Variants in CSMD3 observed in about 807,000 individuals in gnomAD.
The protein encoded by CSMD3 is CUB and sushi domain-containing protein 3.
A neutral mutation model predicts 435.2 loss-of-function variants in CSMD3; 177 were observed. The observed-to-expected ratio is 0.41, with a 90% confidence interval of 0.36 to 0.46. The LOEUF is 0.46. Among genes scored for constraint, CSMD3 ranks in the 20% least tolerant of loss-of-function variants. The pLI, the probability that CSMD3 is intolerant of heterozygous loss-of-function variation, is 0.34. For synonymous variants in CSMD3, 1,656 were observed against 1,520.5 expected, an observed-to-expected ratio of 1.09 and a Z score of -2.07; for missense variants, 4,265 against 4,504.6, an observed-to-expected ratio of 0.95 and a Z score of 1.52.
intron 13 of CSMD3, among the ~76,000 whole-genome samples, chr8:112,792,193 C>T (rs1563965186): frequency 6.6e-6 from 1 of 152,020 alleles, no homozygotes. Flanking sequence ...TGATGAAGTC[C>T]AATTTATCAA....
At chr8:112,323,500 A>G (rs549615439) in intron 45 of CSMD3, among the ~76,000 whole-genome samples, 3 of 152,036 alleles carry the variant, frequency 2.0e-5, no homozygotes, top group Non-Finnish European at 4.4e-5. Flanking sequence ...TTATGGGGGT[A>G]CCCTTAATTC....
chr8:113,353,625 T>G (rs905985882), intron 1 of CSMD3, among the ~76,000 whole-genome samples: 9 of 152,172 alleles, frequency 5.9e-5, no homozygotes, highest in Non-Finnish European at 1.3e-4. Flanking sequence ...TATTTCTACT[T>G]GATTCTGGGA....
intron 32 of CSMD3, among the ~76,000 whole-genome samples, chr8:112,435,812 C>T (rs56097546): frequency 0.43 from 64,687 of 151,592 alleles, 14,761 homozygotes; most frequent in Middle Eastern, 0.6. Flanking sequence ...TGCATTTTTC[C>T]TCTCTGTATT....
intron 3 of CSMD3, among the ~76,000 whole-genome samples, chr8:113,268,850 A>C (rs1351605014): frequency 2.0e-5 from 3 of 152,074 alleles, no homozygotes; most frequent in African/African-American, 7.2e-5. Context: ...GAGGTCACCC[A>C]TTCCTTTGGA....
intron 1 of CSMD3, among the ~76,000 whole-genome samples, chr8:113,327,488 G>T (rs1433435119): frequency 6.6e-6 from 1 of 151,970 alleles, no homozygotes; most frequent in Non-Finnish European, 1.5e-5. Flanking sequence ...ATGGAATATA[G>T]CACTGTAACT....
intron 52 of CSMD3, among the ~76,000 whole-genome samples, chr8:112,302,262 T>C (rs1821002771): frequency 6.6e-6 from 1 of 151,016 alleles, no homozygotes; most frequent in South Asian, 2.1e-4. Context: ...CTATAGTGGA[T>C]GAAAAACATC....
intron 1 of CSMD3, among the ~76,000 whole-genome samples, chr8:113,379,875 C>T (rs1052478757): frequency 7.9e-5 from 12 of 152,250 alleles, no homozygotes; most frequent in African/African-American, 2.4e-4. Flanking sequence ...CACTAGAGTA[C>T]ACCCTTCCTG....
intron 22 of CSMD3, among the ~76,000 whole-genome samples, chr8:112,597,262 T>C (rs1020381611): frequency 5.3e-5 from 8 of 151,900 alleles, no homozygotes; most frequent in East Asian, 1.9e-4. Context: ...AACTAGAAAA[T>C]CTAGAAGAAA....
chr8:112,695,800 T>C (rs908927184), intron 13 of CSMD3, among the ~76,000 whole-genome samples: 4 of 152,186 alleles, frequency 2.6e-5, no homozygotes, highest in Non-Finnish European at 5.9e-5. Context: ...TTGTCCCTGT[T>C]TGCAGATGAC....
Position 112,231,620 on chromosome 8 carries a change from G to C in CSMD3, c.10753C>G (p.Pro3585Ala), listed in dbSNP as rs2129895307. Residue 3585 changes from proline (P) to alanine (A), a missense_variant, in exon 69 of 71, where the codon CCT becomes GCT. Coordinates refer to ENST00000297405, the MANE Select transcript of CSMD3 (RefSeq NM_198123.2). ...TGAAATACATAAGTAGCTCCATCAG[G>C]CTCAGCAGAAACCTAAAAATATTTA... ...WAMDGFVSAE[P>A]DGATYVFQGF... 1 of 1,608,380 alleles carries C rather than the reference G, an allele frequency of 6.2e-7. No homozygotes were observed. Among genetic ancestry groups the C allele is most frequent in the Non-Finnish European group, 8.5e-7 (1 of 1,175,224 alleles).
chr8:113,012,517 G>A (rs1237767809), intron 6 of CSMD3, among the ~76,000 whole-genome samples: 4 of 151,926 alleles, frequency 2.6e-5, no homozygotes, highest in South Asian at 2.1e-4. Context: ...TTATGAAGGC[G>A]GTTTCCCCCA....
intron 4 of CSMD3, among the ~76,000 whole-genome samples, chr8:113,168,531 A>AAAAAAAAC (rs2092203418): frequency 6.7e-6 from 1 of 148,694 alleles, no homozygotes; most frequent in African/African-American, 2.4e-5. Context: ...AAAAAAAAAA[A>AAAAAAAAC]AAAAAAAAAA....
intron 11 of CSMD3, among the ~76,000 whole-genome samples, chr8:112,848,380 T>C (rs1354165570): frequency 1.3e-5 from 2 of 152,162 alleles, no homozygotes; most frequent in African/African-American, 4.8e-5. Context: ...AAGCACCTAG[T>C]AATTTCCGAA....
In CSMD3 at chr8:112,863,869, G is replaced by GAA. The variant is rs5894112; in HGVS notation, c.1634-4605_1634-4604dup. On this transcript the variant is annotated intron_variant, in intron 10 of 70. Transcript: ENST00000297405. ...CAGAAAAATAGAAATAGTAGAAAAA[G>GAA]AAAAAAAACCTTGTAAATAAACCAA... 1.4e-3 allele frequency among the ~76,000 whole-genome samples: 213 copies of GAA among 151,466 alleles called. 1 individual carries two copies. Among genetic ancestry groups the GAA allele is most frequent in the African/African-American group, 4.4e-3 (183 of 41,358 alleles).
At chr8:113,356,714 T>C (rs2094231449) in intron 1 of CSMD3, among the ~76,000 whole-genome samples, 1 of 152,146 alleles carries the variant, frequency 6.6e-6, no homozygotes, top group African/African-American at 2.4e-5. Context: ...TTTTATTCTA[T>C]CAAATATATG....
intron 43 of CSMD3, 114 bp from the exon 44 acceptor site, chr8:112,336,943 G>T: frequency 1.1e-6 from 1 of 870,974 alleles, no homozygotes; most frequent in Non-Finnish European, 1.9e-6. Flanking sequence ...TTTATGCCTT[G>T]TTTTTACTTC....
intron 5 of CSMD3, among the ~76,000 whole-genome samples, chr8:113,081,464 C>T (rs1298494721): frequency 6.6e-6 from 1 of 152,080 alleles, no homozygotes; most frequent in Non-Finnish European, 1.5e-5. Flanking sequence ...CCTCAGCAGT[C>T]CACATTCCCA....
chr8:112,293,305 A>G (rs181075427), intron 54 of CSMD3, among the ~76,000 whole-genome samples: 1 of 152,232 alleles, frequency 6.6e-6, no homozygotes, highest in East Asian at 1.9e-4. Flanking sequence ...AACAAAGTTA[A>G]AAAGTAGAAA....
intron 35 of CSMD3, among the ~76,000 whole-genome samples, chr8:112,400,789 T>C (rs1831264611): frequency 6.6e-6 from 1 of 152,204 alleles, no homozygotes; most frequent in African/African-American, 2.4e-5. Context: ...TAGATTTTTA[T>C]TTTTGATGGC....
Sources: gnomAD v4.1 joint callset for allele counts (sites outside exome capture counted in the v4.1 genomes callset) on GRCh38, gnomAD v4.1.1 for gene constraint, MANE v1.5 for transcripts, NCBI Gene and HGNC (gene_info 2026-07-23, HGNC 2026-07-21) for gene names.